ZDHHC4: variants seen among roughly 807,000 people sequenced by gnomAD.
ZDHHC4 encodes palmitoyltransferase ZDHHC4.
ZDHHC4 carries 42 observed loss-of-function variants against 36.7 expected under a neutral mutation model. The observed-to-expected ratio is 1.14, with a 90% CI of 0.89 to 1.48. ZDHHC4 has a LOEUF of 1.48. Among genes scored for constraint, ZDHHC4 ranks in the 40% most tolerant of loss-of-function variants. The pLI, the probability that ZDHHC4 is intolerant of heterozygous loss-of-function variation, is 0.00. For synonymous variants in ZDHHC4, 189 were observed against 166.6 expected (o/e 1.13, Z -1.03); for missense variants, 457 against 421.5 (o/e 1.08, Z -0.74).
chr7:6,581,963 T>C, intron 4 of ZDHHC4, 110 bp from the exon 5 acceptor site: 1 of 1,088,406 alleles, frequency 9.2e-7, no homozygotes, highest in Admixed American at 2.4e-5. Flanking sequence ...TAATTCTTAC[T>C]ATTATCTCAA....
chr7:6,584,516 C>G (rs184641509), intron 6 of ZDHHC4, among the ~76,000 whole-genome samples: 36 of 152,240 alleles, frequency 2.4e-4, no homozygotes, highest in South Asian at 4.1e-4. Context: ...CTATGTCTAT[C>G]CAAGTCAAGT....
rs141408179 is a variant in ZDHHC4, at chr7:6,585,094, G to A, written c.575G>A (p.Arg192Lys). ...AACTGCATCGGGGCCTGGAACATCA[G>A]GTACTTCCTCATCTACGTCTTGACC... ...VNNCIGAWNI[R>K]YFLIYVLTLT... Residue 192 changes from arginine to lysine, a missense_variant, in exon 7 of 8, where the codon AGG becomes AAG. Transcript: ENST00000335965. 29 of 1,613,976 alleles carry A rather than the reference G, an allele frequency of 1.8e-5. No homozygotes were observed. Among genetic ancestry groups the A allele is most frequent in the Admixed American group, 3.3e-5 (2 of 59,980 alleles).
At chr7:6,586,783 A>G (rs537649208) in intron 7 of ZDHHC4, among the ~76,000 whole-genome samples, 2 of 151,990 alleles carry the variant, frequency 1.3e-5, no homozygotes, top group East Asian at 3.9e-4. Flanking sequence ...GCCTTACTTC[A>G]TTCTTTTTTA....
Position 6,588,494 on chromosome 7 carries a change from A to T in ZDHHC4, c.742-123A>T, listed in dbSNP as rs571768970. On this transcript the variant is annotated intron_variant, in intron 7 of 7. Coordinates refer to ENST00000335965, the MANE Select transcript of ZDHHC4 (RefSeq NM_001134389.2). ...TTTATGTTCAGTTTGTCACATCTGG[A>T]CACAAGTAGGTGGGCTGAGGAAGCA... 7.0e-6 allele frequency: 7 copies of T among 993,630 alleles called. No homozygotes were observed. The Admixed American group carries it at 1.3e-4, about 18-fold the overall frequency. 61.6% of individuals were successfully genotyped at this position (993,630 alleles called of 1,614,324 possible). A position where few individuals can be genotyped will look rare whatever the true frequency, so the allele number is the denominator to read the frequency against.
At chr7:6,580,918 C>A (rs555574905) in intron 3 of ZDHHC4, 1 of 502,300 alleles carries the variant, frequency 2.0e-6, no homozygotes, top group Non-Finnish European at 3.6e-6. Flanking sequence ...CCTGTCTCAA[C>A]AACAACAAAA....
intron 6 of ZDHHC4, 42 bp from the exon 7 acceptor site, chr7:6,584,974 G>A (rs189025943): frequency 2.4e-5 from 38 of 1,609,226 alleles, no homozygotes; most frequent in South Asian, 3.3e-5. Context: ...TCCTTGTCTC[G>A]TCAAGCACCA....
At chr7:6,578,371 C>T (rs567115756) in intron 1 of ZDHHC4, 195 bp from the exon 2 acceptor site, 2 of 152,402 alleles carry the variant, frequency 1.3e-5, no homozygotes, top group East Asian at 3.9e-4. Context: ...CTCAAGCTAT[C>T]CTCCTGCCTG....
intron 6 of ZDHHC4, 48 bp downstream of exon 6, chr7:6,583,479 G>A: frequency 6.3e-7 from 1 of 1,577,776 alleles, no homozygotes; most frequent in East Asian, 2.3e-5. Context: ...CAGCACATGT[G>A]TGGGCTTCGT....
At chr7:6,584,858 T>C in intron 6 of ZDHHC4, 158 bp from the exon 7 acceptor site, 1 of 1,074,156 alleles carries the variant, frequency 9.3e-7, no homozygotes, top group Non-Finnish European at 1.3e-6. Context: ...GCTCCTGTAC[T>C]GGACACCACA....
chr7:6,580,770 AGGCC>A (rs1299634411), intron 3 of ZDHHC4, 92 bp downstream of exon 3: 1 of 1,270,432 alleles, frequency 7.9e-7, no homozygotes, highest in Non-Finnish European at 1.1e-6. Flanking sequence ...AAGAGATGCC[AGGCC>A]GGGTGCAGTG....
intron 5 of ZDHHC4, 95 bp from the exon 6 acceptor site, chr7:6,583,211 G>A (rs1780985733): frequency 2.3e-6 from 3 of 1,285,588 alleles, no homozygotes; most frequent in South Asian, 2.6e-5. Flanking sequence ...CGATATTAAA[G>A]ATAGCAGTTT....
chr7:6,579,135 CTTTTTTTTCTTCT>C lies in ZDHHC4; in HGVS notation c.-8+427_-8+439del, dbSNP rs544029490. On this transcript the variant is annotated intron_variant, in intron 2 of 7. Coordinates refer to ENST00000335965, the MANE Select transcript of ZDHHC4 (RefSeq NM_001134389.2). ...CACTACGGCCGGCCAATTCCAGTACCTTTTTTTTCTTCTTTTTTTTTCTTAAACCGCTACACTA... is the reference window on the plus strand; with the variant it reads ...CACTACGGCCGGCCAATTCCAGTACCTTTTTTTTCTTAAACCGCTACACTA... Among the ~76,000 whole-genome samples the C allele has an allele frequency of 4.7e-3, 631 of 134,048 alleles. 2 individuals carry two copies. The highest frequency in any genetic ancestry group is 7.1e-3 in the Non-Finnish European group (456 of 64,100). The allele number at this position is 134,048 out of a possible 152,430, so 87.9% of individuals were successfully genotyped here.
In ZDHHC4 at chr7:6,589,301, C is replaced by T. The variant is rs563105290; in HGVS notation, c.*391C>T. The T allele has an allele frequency of 4.8e-6, 1 of 206,826 alleles. No individual in the cohort carries two copies. Among genetic ancestry groups the T allele is most frequent in the Admixed American group, 5.2e-5 (1 of 19,262 alleles). 12.8% of individuals were successfully genotyped at this position (206,826 alleles called of 1,614,324 possible). On this transcript the variant is annotated 3_prime_UTR_variant, in exon 8 of 8. Coordinates refer to ENST00000335965, the MANE Select transcript of ZDHHC4 (RefSeq NM_001134389.2). ...CTGGCTGTGCTCTCTTTTATGCCCC[C>T]TCTATTCTCCTCTCTCCCCCAGGGG... is the stretch of plus-strand genomic sequence containing the variant.
Position 6,588,727 on chromosome 7 carries a change from C to G in ZDHHC4, c.852C>G (p.Asn284Lys). The G allele has an allele frequency of 1.2e-6, 2 of 1,614,210 alleles. No individual in the cohort carries two copies. The highest frequency in any genetic ancestry group is 1.1e-5 in the South Asian group (1 of 91,088). Residue 284 changes from asparagine to lysine, a missense_variant, in exon 8 of 8, where the codon AAC (asparagine) becomes AAG (lysine). By Grantham distance (94) the Asn-to-Lys change is moderately conservative (BLOSUM62 0). Coordinates refer to ENST00000335965, the MANE Select transcript of ZDHHC4 (RefSeq NM_001134389.2). The part of the protein sequence containing the change: ...LLFVLYLAAT[N>K]QTTNEWYRGD... Reference sequence around the variant, plus strand: ...TTGTCCTGTATCTGGCGGCCACCAACCAGACTACTAACGAGTGGTACAGAG... The same window carrying G: ...TTGTCCTGTATCTGGCGGCCACCAAGCAGACTACTAACGAGTGGTACAGAG...
intron 4 of ZDHHC4, 138 bp downstream of exon 4, chr7:6,581,818 G>C: frequency 1.3e-6 from 1 of 799,992 alleles, no homozygotes; most frequent in South Asian, 1.8e-5. Flanking sequence ...CACGAGTCCT[G>C]AGTTGGGAGC....
Position 6,582,244 on chromosome 7 carries a change from C to A in ZDHHC4, c.363C>A (p.Thr121=). Residue 121 remains threonine (T), a synonymous_variant, in exon 5 of 8, where the codon ACC becomes ACA. Coordinates refer to ENST00000335965, the MANE Select transcript of ZDHHC4 (RefSeq NM_001134389.2). ...TTTTTTTCACCCTGACTTGTGGAAC[C>A]AATCCTGGTAAGTTGAGGCTCTTAG... ...NLFFFTLTCG[T]NPGIITKANE... 3 of 1,613,942 alleles carry A rather than the reference C, an allele frequency of 1.9e-6. No individual in the cohort carries two copies. Among genetic ancestry groups the A allele is most frequent in the Non-Finnish European group, 2.5e-6 (3 of 1,179,892 alleles).
intron 7 of ZDHHC4, among the ~76,000 whole-genome samples, chr7:6,586,722 C>A (rs1268084664): frequency 6.6e-6 from 1 of 152,130 alleles, no homozygotes; most frequent in Non-Finnish European, 1.5e-5. Flanking sequence ...GTGATCCACC[C>A]GCCTCGGCCT....
At chr7:6,579,902 G>A (rs533467431) in intron 2 of ZDHHC4, among the ~76,000 whole-genome samples, 1 of 151,978 alleles carries the variant, frequency 6.6e-6, no homozygotes, top group African/African-American at 2.4e-5. Context: ...TTGGGAGGCC[G>A]AGGCAGGTGG....
chr7:6,580,199 C>G (rs1183758549), intron 2 of ZDHHC4, among the ~76,000 whole-genome samples: 1 of 151,934 alleles, frequency 6.6e-6, no homozygotes. Flanking sequence ...CAGGGCCTCA[C>G]TATGTTGCCC....
Sources: gnomAD v4.1 joint callset for allele counts (sites outside exome capture counted in the v4.1 genomes callset) on GRCh38, gnomAD v4.1.1 for gene constraint, MANE v1.5 for transcripts, NCBI Gene and HGNC (gene_info 2026-07-23, HGNC 2026-07-21) for gene names.